Variants in ZBTB20 observed in about 807,000 individuals in gnomAD.
ZBTB20 encodes the protein zinc finger and BTB domain-containing protein 20.
In ZBTB20, 9 loss-of-function variants were observed where a neutral mutation model predicts 56.9. The observed-to-expected ratio is 0.16, with a 90% CI of 0.10 to 0.28. The LOEUF is 0.28. Ranked by LOEUF, ZBTB20 falls within the 10% of genes least tolerant of loss-of-function variation. The pLI is 1.00. For synonymous variants in ZBTB20, 417 were observed against 420.7 expected, an observed-to-expected ratio of 0.99 and a Z score of 0.11; for missense variants, 655 against 1,003.0, an observed-to-expected ratio of 0.65 and a Z score of 4.69.
chr3:114,818,781 T>C (rs1182823083), intron 4 of ZBTB20, among the ~76,000 whole-genome samples: 1 of 151,516 alleles, frequency 6.6e-6, no homozygotes, highest in Non-Finnish European at 1.5e-5. Context: ...AAACAAGAAA[T>C]ATGCCCTCTA....
intron 7 of ZBTB20, among the ~76,000 whole-genome samples, chr3:114,458,937 C>T (rs2109106952): frequency 6.6e-6 from 1 of 152,204 alleles, no homozygotes; most frequent in South Asian, 2.1e-4. Flanking sequence ...ATGCTTAAAA[C>T]ATGTACACAA....
At chr3:114,593,541 C>T (rs1159292706) in intron 6 of ZBTB20, among the ~76,000 whole-genome samples, 2 of 152,026 alleles carry the variant, frequency 1.3e-5, no homozygotes, top group Non-Finnish European at 2.9e-5. Flanking sequence ...TGCGCCACCA[C>T]ACATGGCTAA....
At chr3:114,561,950 T>C (rs2052112589) in intron 6 of ZBTB20, among the ~76,000 whole-genome samples, 1 of 152,172 alleles carries the variant, frequency 6.6e-6, no homozygotes, top group Admixed American at 6.5e-5. Context: ...TCAATTATCT[T>C]AGCTAGATCA....
chr3:114,344,715 G>C (rs1376755136), intron 11 of ZBTB20, among the ~76,000 whole-genome samples: 2 of 152,134 alleles, frequency 1.3e-5, no homozygotes, highest in African/African-American at 4.8e-5. Context: ...CCACTGGCTT[G>C]ATATAATTAA....
At chr3:114,921,556 T>C (rs940027139) in intron 3 of ZBTB20, among the ~76,000 whole-genome samples, 2 of 151,986 alleles carry the variant, frequency 1.3e-5, no homozygotes, top group African/African-American at 2.4e-5. Context: ...ATTGCCCTCA[T>C]ACCAAAGCTG....
intron 10 of ZBTB20, among the ~76,000 whole-genome samples, chr3:114,370,805 C>T (rs1033261575): frequency 3.3e-5 from 5 of 152,154 alleles, no homozygotes; most frequent in African/African-American, 1.2e-4. Context: ...AGCTCATACT[C>T]GGCACTATAT....
At chr3:115,008,374 G>A (rs991614727) in intron 2 of ZBTB20, among the ~76,000 whole-genome samples, 3 of 151,828 alleles carry the variant, frequency 2.0e-5, no homozygotes, top group Non-Finnish European at 4.4e-5. Flanking sequence ...TGTATGCTGA[G>A]GGTTAAAGGC....
intron 6 of ZBTB20, among the ~76,000 whole-genome samples, chr3:114,685,662 A>G (rs1285999695): frequency 6.6e-6 from 1 of 152,158 alleles, no homozygotes; most frequent in Non-Finnish European, 1.5e-5. Flanking sequence ...TTAATTAAAA[A>G]CTTTTGATGC....
chr3:114,982,824 T>C (rs1236167645), intron 2 of ZBTB20, among the ~76,000 whole-genome samples: 1 of 151,922 alleles, frequency 6.6e-6, no homozygotes, highest in East Asian at 1.9e-4. Flanking sequence ...AGTCCAAAGT[T>C]TTTTTTTACA....
At chr3:115,130,918 T>C (rs1460844136) in intron 1 of ZBTB20, among the ~76,000 whole-genome samples, 2 of 152,094 alleles carry the variant, frequency 1.3e-5, no homozygotes, top group Non-Finnish European at 2.9e-5. Context: ...TGCACCACCA[T>C]GCCCAGATAA....
intron 4 of ZBTB20, among the ~76,000 whole-genome samples, chr3:114,864,687 C>T (rs893831138): frequency 2.6e-5 from 4 of 151,856 alleles, no homozygotes; most frequent in African/African-American, 9.7e-5. Flanking sequence ...GGTAGATGGG[C>T]GATAGGTAAT....
intron 10 of ZBTB20, among the ~76,000 whole-genome samples, chr3:114,376,275 A>G: frequency 6.6e-6 from 1 of 152,194 alleles, no homozygotes; most frequent in East Asian, 1.9e-4. Context: ...GTGGATAAAA[A>G]CAATGTCCCC....
intron 4 of ZBTB20, among the ~76,000 whole-genome samples, chr3:114,839,557 T>G (rs1401112303): frequency 6.6e-6 from 1 of 152,208 alleles, no homozygotes; most frequent in Non-Finnish European, 1.5e-5. Context: ...AAACAATTTC[T>G]GCAATATCCA....
chr3:114,493,284 T>G (rs567921709), intron 7 of ZBTB20, among the ~76,000 whole-genome samples: 3 of 152,282 alleles, frequency 2.0e-5, no homozygotes, highest in African/African-American at 7.2e-5. Context: ...CTGAAGAAAA[T>G]GTGGGTTGTT....
intron 4 of ZBTB20, among the ~76,000 whole-genome samples, chr3:114,802,335 T>C (rs1047942024): frequency 6.6e-6 from 1 of 151,934 alleles, no homozygotes; most frequent in Non-Finnish European, 1.5e-5. Flanking sequence ...AAAGCATATG[T>C]AGTTCTTACT....
intron 3 of ZBTB20, among the ~76,000 whole-genome samples, chr3:114,937,203 A>T (rs1051047181): frequency 1.3e-5 from 2 of 152,194 alleles, no homozygotes; most frequent in Non-Finnish European, 2.9e-5. Context: ...ACTGTCTTCT[A>T]CAATGGTTGA....
chr3:114,675,960 T>C (rs898003766), intron 6 of ZBTB20, among the ~76,000 whole-genome samples: 2 of 16,944 alleles, frequency 1.2e-4, no homozygotes, highest in African/African-American at 1.3e-4. Flanking sequence ...CGCTAAATCT[T>C]CACAACTCTA....
intron 1 of ZBTB20, among the ~76,000 whole-genome samples, chr3:115,101,712 T>C (rs370445318): frequency 7.9e-5 from 12 of 152,092 alleles, no homozygotes; most frequent in Non-Finnish European, 1.5e-4. Flanking sequence ...AAATAAAAAA[T>C]ATAAGTGCAT....
chr3:114,738,878 G>A (rs1171587573), intron 5 of ZBTB20, among the ~76,000 whole-genome samples: 1 of 152,150 alleles, frequency 6.6e-6, no homozygotes, highest in Non-Finnish European at 1.5e-5. Context: ...GGACTTTATA[G>A]AACATTAAAT....
Sources: gnomAD v4.1 joint callset for allele counts (sites outside exome capture counted in the v4.1 genomes callset) on GRCh38, gnomAD v4.1.1 for gene constraint, MANE v1.5 for transcripts, NCBI Gene and HGNC (gene_info 2026-07-23, HGNC 2026-07-21) for gene names.